SOX5: variants seen among roughly 807,000 people sequenced by gnomAD.
SOX5 encodes the protein SRY-box transcription factor 5.
Under a neutral mutation model 92.0 loss-of-function variants are expected in SOX5, and 9 were observed. That is an observed-to-expected ratio of 0.10 (90% CI 0.06 to 0.17). The LOEUF (loss-of-function observed/expected upper bound fraction) is 0.17. SOX5 is among the 10% of genes least tolerant of loss of function. SOX5 has a pLI of 1.00. For synonymous variants in SOX5, 344 were observed against 336.3 expected, an observed-to-expected ratio of 1.02 and a Z score of -0.25; for missense variants, 642 against 944.5, an observed-to-expected ratio of 0.68 and a Z score of 4.20.
At chr12:24,056,738 G>T (rs529879731) in intron 4 of SOX5, among the ~76,000 whole-genome samples, 133 of 151,920 alleles carry the variant, frequency 8.8e-4, no homozygotes, top group Non-Finnish European at 1.6e-3. Context: ...CACTTTGGGA[G>T]GCCGAGGCGG....
At chr12:24,392,413 C>T (rs573200419) in intron 1 of SOX5, among the ~76,000 whole-genome samples, 42 of 152,250 alleles carry the variant, frequency 2.8e-4, no homozygotes, top group African/African-American at 9.9e-4. Context: ...CTTTTAACTA[C>T]TCTAGCTTTC....
chr12:23,889,120 C>T (rs572657702), intron 2 of SOX5, among the ~76,000 whole-genome samples: 1 of 152,276 alleles, frequency 6.6e-6, no homozygotes, highest in Non-Finnish European at 1.5e-5. Flanking sequence ...AGTAATTACA[C>T]TTTTGTTCAG....
chr12:24,520,418 G>T (rs1042945895), intron 1 of SOX5, among the ~76,000 whole-genome samples: 8 of 151,648 alleles, frequency 5.3e-5, no homozygotes, highest in Non-Finnish European at 8.8e-5. Flanking sequence ...TAAAATGGAA[G>T]GTTATAATGA....
At chr12:23,714,669 T>C (rs545594105) in intron 6 of SOX5, among the ~76,000 whole-genome samples, 1 of 152,294 alleles carries the variant, frequency 6.6e-6, no homozygotes, top group East Asian at 1.9e-4. Flanking sequence ...TGTCTACACT[T>C]GTAATCATTT....
chr12:24,220,926 TGTGTTTC>T (rs990744538), intron 3 of SOX5, among the ~76,000 whole-genome samples: 1 of 150,414 alleles, frequency 6.6e-6, no homozygotes, highest in African/African-American at 2.4e-5. Context: ...ATTGACTTAT[TGTGTTTC>T]GTGTTAGACA....
chr12:23,536,460 T>C lies in SOX5; in HGVS notation c.1981A>G (p.Asn661Asp), dbSNP rs963044601. The change falls in exon 14 of 15, where the codon AAT becomes GAT. Residue 661 changes from asparagine to aspartate, a missense_variant. Asn to Asp is a conservative substitution (Grantham distance 23, BLOSUM62 1). Transcript: ENST00000451604. ...TGACTAAAAGGTACATACCCAACAT[T>C]GAAGTACTGCCGCATTTCCTGCCGC... ...NRRQEMRQYF[N>D]VGQQAQIPIA... The C allele has an allele frequency of 1.9e-6, 3 of 1,613,586 alleles. No individual in the cohort carries two copies. The highest frequency in any genetic ancestry group is 2.2e-5 in the East Asian group (1 of 44,884).
intron 6 of SOX5, among the ~76,000 whole-genome samples, chr12:23,673,837 T>C (rs1004564133): frequency 6.6e-6 from 1 of 151,996 alleles, no homozygotes; most frequent in Admixed American, 6.6e-5. Flanking sequence ...CTGGAATTAG[T>C]AGTGATGGTT....
chr12:23,724,619 T>A (rs763580500), intron 6 of SOX5, among the ~76,000 whole-genome samples: 5 of 152,210 alleles, frequency 3.3e-5, no homozygotes, highest in Non-Finnish European at 5.9e-5. Context: ...TTATGTACCT[T>A]AAACTGTTTG....
At chr12:24,170,296 G>A (rs1438362871) in intron 4 of SOX5, among the ~76,000 whole-genome samples, 2 of 152,160 alleles carry the variant, frequency 1.3e-5, no homozygotes, top group South Asian at 4.1e-4. Context: ...TAGGGTGGCC[G>A]GTGACATTTC....
chr12:24,544,615 T>C (rs1046238470), intron 1 of SOX5, among the ~76,000 whole-genome samples: 1 of 152,138 alleles, frequency 6.6e-6, no homozygotes, highest in Non-Finnish European at 1.5e-5. Flanking sequence ...CACACAGATA[T>C]ACACTCACAT....
intron 2 of SOX5, among the ~76,000 whole-genome samples, chr12:23,889,407 G>A (rs915063775): frequency 2.6e-5 from 4 of 151,976 alleles, no homozygotes; most frequent in Admixed American, 1.3e-4. Flanking sequence ...ACAGTATTAC[G>A]CGCATAACAC....
intron 4 of SOX5, among the ~76,000 whole-genome samples, chr12:24,009,272 C>G (rs1350888733): frequency 6.6e-6 from 1 of 152,122 alleles, no homozygotes. Context: ...TTTGTTTAAG[C>G]CTCTGAGTGT....
At chr12:24,148,954 T>C (rs2138795592) in intron 4 of SOX5, among the ~76,000 whole-genome samples, 1 of 152,136 alleles carries the variant, frequency 6.6e-6, no homozygotes, top group South Asian at 2.1e-4. Context: ...TGGTTTTTGA[T>C]GAAGGTACAA....
chr12:24,117,605 G>A (rs1464054219), intron 4 of SOX5, among the ~76,000 whole-genome samples: 2 of 152,040 alleles, frequency 1.3e-5, no homozygotes, highest in African/African-American at 4.8e-5. Context: ...AGAAAATATG[G>A]GATTATACAC....
At chr12:23,759,980 TTA>T in intron 3 of SOX5, among the ~76,000 whole-genome samples, 1 of 152,136 alleles carries the variant, frequency 6.6e-6, no homozygotes, top group East Asian at 1.9e-4. Flanking sequence ...ATGTATGTAT[TTA>T]TGAGTTTCTT....
At chr12:24,283,851 C>T (rs1945510540) in intron 2 of SOX5, among the ~76,000 whole-genome samples, 1 of 152,144 alleles carries the variant, frequency 6.6e-6, no homozygotes, top group South Asian at 2.1e-4. Flanking sequence ...TATAATCATT[C>T]CTTACCCAAA....
At chr12:23,581,726 A>G (rs985149891) in intron 9 of SOX5, among the ~76,000 whole-genome samples, 2 of 152,138 alleles carry the variant, frequency 1.3e-5, no homozygotes, top group Non-Finnish European at 2.9e-5. Context: ...GATCAGTAAT[A>G]AAGAAAAGAA....
At chr12:24,109,818 A>G (rs1337636424) in intron 4 of SOX5, among the ~76,000 whole-genome samples, 1 of 152,258 alleles carries the variant, frequency 6.6e-6, no homozygotes, top group Non-Finnish European at 1.5e-5. Context: ...CTATTATTTT[A>G]AAGTCCACAT....
chr12:23,629,128 C>G (rs148213327), intron 8 of SOX5, among the ~76,000 whole-genome samples: 1 of 152,098 alleles, frequency 6.6e-6, no homozygotes, highest in African/African-American at 2.4e-5. Flanking sequence ...CTTGATCTTT[C>G]AATAGCTTTC....
Sources: allele counts gnomAD v4.1 joint callset (sites outside exome capture counted in the v4.1 genomes callset), GRCh38; gene constraint gnomAD v4.1.1; transcripts MANE v1.5; gene names NCBI Gene and HGNC (gene_info 2026-07-23, HGNC 2026-07-21).